GPR132: variants seen among roughly 807,000 people sequenced by gnomAD.
The protein encoded by GPR132 is probable G protein-coupled receptor 132.
A neutral mutation model predicts 1.9 loss-of-function variants in GPR132; 4 were observed. The ratio of observed to expected loss-of-function variants is 2.13; its 90% CI spans 1.05 to 4.87. GPR132 has a LOEUF of 4.87. GPR132 is among the 30% of genes most tolerant of loss of function. The pLI is 0.01. For synonymous variants in GPR132, 233 were observed against 234.2 expected (o/e 0.99, Z 0.05); for missense variants, 404 against 512.5 (o/e 0.79, Z 2.04).
chr14:105,054,962 C>T (rs1275732224), intron 3 of GPR132, among the ~76,000 whole-genome samples: 1 of 146,994 alleles, frequency 6.8e-6, no homozygotes, highest in Non-Finnish European at 1.5e-5. Context: ...ATGGTGTGAA[C>T]CCGGAAGGCA....
chr14:105,050,779 C>A lies in GPR132; in HGVS notation c.*215G>T. 1.7e-6 allele frequency: 1 copy of A among 579,614 alleles called. No homozygotes were observed. 35.9% of individuals were successfully genotyped at this position (579,614 alleles called of 1,614,324 possible). On this transcript the variant is annotated 3_prime_UTR_variant, in exon 4 of 4. Coordinates refer to ENST00000329797, the MANE Select transcript of GPR132 (RefSeq NM_013345.4). The surrounding 1 kb of genome is among the most constrained non-coding windows in gnomAD (Gnocchi z 4.0). Reference sequence around the variant, plus strand: ...CACATGCTCTCTGGGCTCCCGGAAGCCTGGAGGTGTCGCTCCTCCCCTTGG... The same window carrying A: ...CACATGCTCTCTGGGCTCCCGGAAGACTGGAGGTGTCGCTCCTCCCCTTGG...
rs371342685 is a variant in GPR132 at position 105,060,741 on chromosome 14, C to G, written c.-860-3461G>C. ...AAGGGTTCTGGAAACCCTCCCAAAC[C>G]TGGGAGGATGAACTCTTGCTGGTCC... On this transcript the variant is annotated intron_variant, in intron 1 of 3. Coordinates refer to ENST00000329797, the MANE Select transcript of GPR132 (RefSeq NM_013345.4). The surrounding 1 kb of genome is among the most constrained non-coding windows in gnomAD (Gnocchi z 6.3). 4.8e-3 allele frequency among the ~76,000 whole-genome samples: 736 copies of G among 152,350 alleles called. 3 individuals carry two copies. The highest frequency in any genetic ancestry group is 0.017 in the African/African-American group (714 of 41,584).
chr14:105,061,273 C>T (rs774249832), intron 1 of GPR132, among the ~76,000 whole-genome samples: 10 of 152,264 alleles, frequency 6.6e-5, no homozygotes, highest in Non-Finnish European at 1.3e-4. Context: ...CAGAGCACAT[C>T]CAGGCTTTGT....
In GPR132 at chr14:105,052,117, CAA is replaced by C. The variant is rs758581095; in HGVS notation, c.35-17_35-16del. 6 of 1,541,134 alleles carry C rather than the reference CAA, an allele frequency of 3.9e-6. No homozygotes were observed. In the African/African-American group the frequency reaches 8.1e-5, roughly 21 times the overall value. On this transcript the variant is annotated splice_polypyrimidine_tract_variant and intron_variant, in intron 3 of 3. Coordinates refer to ENST00000329797, the MANE Select transcript of GPR132 (RefSeq NM_013345.4). ...GGTGGCGTTTCCTGTGGGACAGAGA[CAA>C]GAGTGAGGACGGGAGTCCCTGGAAA...
rs1477343819 is a variant in GPR132, at chr14:105,056,919, C to T, written c.-747+248G>A. ...ACAGCCCCCTGACTCAGTACTGTGT[C>T]GCCCTCCCAGGAGCCACCAACTATG... is the stretch of plus-strand genomic sequence containing the variant. On this transcript the variant is annotated intron_variant, in intron 2 of 3. Transcript: ENST00000329797. The surrounding 1 kb of genome is among the most constrained non-coding windows in gnomAD (Gnocchi z 6.0). Among the ~76,000 whole-genome samples, 2 of 152,216 alleles carry T rather than the reference C, an allele frequency of 1.3e-5. No homozygotes were observed. The highest frequency in any genetic ancestry group is 4.8e-5 in the African/African-American group (2 of 41,456).
Position 105,059,032 on chromosome 14 carries a change from A to G in GPR132, c.-860-1752T>C, listed in dbSNP as rs1479032055. On this transcript the variant is annotated intron_variant, in intron 1 of 3. Transcript: ENST00000329797. The surrounding 1 kb of genome is among the most constrained non-coding windows in gnomAD (Gnocchi z 4.2). ...GCTCCAATCCTGCCTCCCTGGTGCCAGGCCCAACCCCCACCCCATGCTGCC... is the reference window on the plus strand; with the variant it reads ...GCTCCAATCCTGCCTCCCTGGTGCCGGGCCCAACCCCCACCCCATGCTGCC... Among the ~76,000 whole-genome samples, 28 of 152,288 alleles carry G rather than the reference A, an allele frequency of 1.8e-4. No individual in the cohort carries two copies.
chr14:105,063,687 C>T (rs561205340), intron 1 of GPR132, among the ~76,000 whole-genome samples: 15 of 151,508 alleles, frequency 9.9e-5, no homozygotes, highest in African/African-American at 3.6e-4. Context: ...TGTTTTGTAA[C>T]TTATGATGGA....
Position 105,055,408 on chromosome 14 carries a change from G to T in GPR132, c.13C>A (p.Leu5Ile). 1 of 780,976 alleles carries T rather than the reference G, an allele frequency of 1.3e-6. No individual in the cohort carries two copies. The highest frequency in any genetic ancestry group is 2.4e-6 in the Non-Finnish European group (1 of 418,050). The allele number at this position is 780,976 out of a possible 1,614,324, so 48.4% of individuals were successfully genotyped here. MCPMLLKNGYNGNAT... is the reference protein window; with the variant it reads MCPMILKNGYNGNAT... ...TTACCATTGTAACCGTTTTTCAGTA[G>T]CATTGGGCACATTCACATTCTTCTG... The change falls in exon 3 of 4, where the codon CTA (leucine) becomes ATA (isoleucine). Residue 5 changes from leucine (L) to isoleucine (I), a missense_variant. Leu to Ile is a conservative substitution (Grantham distance 5, BLOSUM62 2). Coordinates refer to ENST00000329797, the MANE Select transcript of GPR132 (RefSeq NM_013345.4). The surrounding 1 kb of genome is among the most constrained non-coding windows in gnomAD (Gnocchi z 4.7).
intron 3 of GPR132, among the ~76,000 whole-genome samples, chr14:105,053,518 T>C (rs8008652): frequency 0.036 from 5,531 of 152,244 alleles, 326 homozygotes; most frequent in African/African-American, 0.12. Context: ...AAAAAGATAA[T>C]TATAAGCTCC....
chr14:105,054,209 A>G, intron 3 of GPR132: 1 of 1,210,744 alleles, frequency 8.3e-7, no homozygotes, highest in Non-Finnish European at 1.1e-6. Context: ...GGGCCACAGC[A>G]GCCCCGGGCG....
chr14:105,055,985 G>T lies in GPR132; in HGVS notation c.-565C>A. 5.1e-6 allele frequency: 1 copy of T among 197,582 alleles called. No individual in the cohort carries two copies. Among genetic ancestry groups the T allele is most frequent in the Non-Finnish European group, 9.1e-6 (1 of 109,422 alleles). The allele number at this position is 197,582 out of a possible 1,614,324, so 12.2% of individuals were successfully genotyped here. ...GTTCTCCTGGGTCAGACCCACAGTT[G>T]GCATTGCTGGATCTCACGGCAGTTC... On this transcript the variant is annotated 5_prime_UTR_variant, in exon 3 of 4. Coordinates refer to ENST00000329797, the MANE Select transcript of GPR132 (RefSeq NM_013345.4). The surrounding 1 kb of genome is among the most constrained non-coding windows in gnomAD (Gnocchi z 4.7).
chr14:105,056,097 C>G lies in GPR132; in HGVS notation c.-677G>C. 1 of 981,276 alleles carries G rather than the reference C, an allele frequency of 1.0e-6. No individual in the cohort carries two copies. Among genetic ancestry groups the G allele is most frequent in the South Asian group, 4.7e-5 (1 of 21,224 alleles). The allele number at this position is 981,276 out of a possible 1,614,324, so 60.8% of individuals were successfully genotyped here. A position where few individuals can be genotyped will look rare whatever the true frequency, so the allele number is the denominator to read the frequency against. ...CCCCGGCGGTGTGCAGGGCTCCGGT[C>G]TCCCCACAGCCTCGCTGCGCTTGCT... On this transcript the variant is annotated 5_prime_UTR_variant, in exon 3 of 4. Transcript: ENST00000329797. This position sits in a 1 kb window ranked among gnomAD's most constrained non-coding sequence, Gnocchi z 6.0.
At chr14:105,054,087 C>T (rs1296483735) in intron 3 of GPR132, 24 of 1,288,362 alleles carry the variant, frequency 1.9e-5, no homozygotes, top group Non-Finnish European at 1.7e-5. Context: ...GTTCATGCTT[C>T]TGGGCCTTCT....
Position 105,055,023 on chromosome 14 carries a change from CAAAAA to C in GPR132, c.34+359_34+363del, listed in dbSNP as rs35863392. Among the ~76,000 whole-genome samples, 1 of 91,294 alleles carries C rather than the reference CAAAAA, an allele frequency of 1.1e-5. No individual in the cohort carries two copies. The highest frequency in any genetic ancestry group is 2.1e-5 in the Non-Finnish European group (1 of 46,924). 59.9% of individuals were successfully genotyped at this position (91,294 alleles called of 152,430 possible). On this transcript the variant is annotated intron_variant, in intron 3 of 3. Transcript: ENST00000329797. The surrounding 1 kb of genome is among the most constrained non-coding windows in gnomAD (Gnocchi z 4.7). ...AGGGCAACAGAGCAAGACTCCATCT[CAAAAA>C]AAAAAAAAAAAAAAAAATTCGGCCC...
Position 105,051,869 on chromosome 14 carries a change from G to A in GPR132, c.268C>T (p.Leu90=). Reference sequence around the variant, plus strand: ...CAGAGTGGCAGCGTGCCTGTGTACAGCAGCTCGCAGAGTGCCAGGCAGAGC... The same window carrying A: ...CAGAGTGGCAGCGTGCCTGTGTACAACAGCTCGCAGAGTGCCAGGCAGAGC... ...YLLCLALCEL[L]YTGTLPLWVI... is the part of the protein sequence containing the mutation. Residue 90 remains leucine (L), a synonymous_variant, in exon 4 of 4, where the codon CTG becomes TTG. Coordinates refer to ENST00000329797, the MANE Select transcript of GPR132 (RefSeq NM_013345.4). The surrounding 1 kb of genome is among the most constrained non-coding windows in gnomAD (Gnocchi z 8.0). 1 of 1,613,850 alleles carries A rather than the reference G, an allele frequency of 6.2e-7. No individual in the cohort carries two copies. The highest frequency in any genetic ancestry group is 8.5e-7 in the Non-Finnish European group (1 of 1,179,980).
rs1265011159 is a variant in GPR132, at chr14:105,055,330, A to G, written c.34+57T>C. On this transcript the variant is annotated intron_variant, in intron 3 of 3. Coordinates refer to ENST00000329797, the MANE Select transcript of GPR132 (RefSeq NM_013345.4). The surrounding 1 kb of genome is among the most constrained non-coding windows in gnomAD (Gnocchi z 4.7). ...CGATAGAGTGAGACTCAATCGCAAG[A>G]AAAAAAAATTGAAAAAGTGGAAAAT... 3.9e-6 allele frequency: 3 copies of G among 777,384 alleles called. No homozygotes were observed. The highest frequency in any genetic ancestry group is 1.7e-5 in the African/African-American group (1 of 58,994). The allele number at this position is 777,384 out of a possible 1,614,324, so 48.2% of individuals were successfully genotyped here. A position where few individuals can be genotyped will look rare whatever the true frequency, so the allele number is the denominator to read the frequency against.
intron 1 of GPR132, among the ~76,000 whole-genome samples, chr14:105,061,604 C>T (rs886403172): frequency 2.0e-5 from 3 of 152,136 alleles, no homozygotes; most frequent in Non-Finnish European, 4.4e-5. Context: ...CATTTCAGGC[C>T]CTGCTCTTCC....
In GPR132 at chr14:105,060,321, G is replaced by C. The variant is rs1352224165; in HGVS notation, c.-860-3041C>G. 6.6e-6 allele frequency among the ~76,000 whole-genome samples: 1 copy of C among 152,212 alleles called. No homozygotes were observed. Among genetic ancestry groups the C allele is most frequent in the Non-Finnish European group, 1.5e-5 (1 of 68,028 alleles). On this transcript the variant is annotated intron_variant, in intron 1 of 3. Coordinates refer to ENST00000329797, the MANE Select transcript of GPR132 (RefSeq NM_013345.4). This position sits in a 1 kb window ranked among gnomAD's most constrained non-coding sequence, Gnocchi z 6.3. ...GAAGCAGTGAGCCGGAACCAGGAGG[G>C]CCAAGGAAGGCAGACCCCCAGCCAG...
chr14:105,061,485 G>A (rs112451611), intron 1 of GPR132, among the ~76,000 whole-genome samples: 89 of 152,344 alleles, frequency 5.8e-4, no homozygotes, highest in African/African-American at 1.9e-3. Context: ...CCCTCTCTCC[G>A]GCCAGCCCAG....
Sources: gnomAD v4.1 joint callset for allele counts (sites outside exome capture counted in the v4.1 genomes callset) on GRCh38, gnomAD v4.1.1 for gene constraint, Gnocchi (gnomAD v3.1) non-coding constraint, MANE v1.5 for transcripts, NCBI Gene and HGNC (gene_info 2026-07-23, HGNC 2026-07-21) for gene names.